Variants in SYCP1 observed in about 807,000 individuals in gnomAD.
SYCP1 encodes the protein synaptonemal complex protein 1.
A neutral mutation model predicts 153.1 loss-of-function variants in SYCP1; 64 were observed. The ratio of observed to expected loss-of-function variants is 0.42; its 90% confidence interval spans 0.34 to 0.51. The LOEUF (loss-of-function observed/expected upper bound fraction) is 0.51, where lower values mean the gene tolerates loss of function less well. Ranked by LOEUF, SYCP1 falls within the 20% of genes least tolerant of loss-of-function variation. SYCP1 has a pLI of 0.06. For synonymous variants in SYCP1, 384 were observed against 341.8 expected (o/e 1.12, Z -1.36); for missense variants, 997 against 1,049.0 (o/e 0.95, Z 0.68).
At chr1:114,917,450 C>G (rs765193795) in intron 20 of SYCP1, among the ~76,000 whole-genome samples, 4 of 152,112 alleles carry the variant, frequency 2.6e-5, no homozygotes, top group Non-Finnish European at 5.9e-5. Flanking sequence ...CTTCAATTAA[C>G]AGAGTGCAAA....
chr1:114,941,798 C>T (rs1670408699), intron 23 of SYCP1, among the ~76,000 whole-genome samples: 1 of 152,020 alleles, frequency 6.6e-6, no homozygotes, highest in African/African-American at 2.4e-5. Flanking sequence ...TGGAGAAGTC[C>T]ATGCACAAGT....
chr1:114,873,380 C>T (rs1334569263), intron 8 of SYCP1, among the ~76,000 whole-genome samples: 3 of 152,176 alleles, frequency 2.0e-5, no homozygotes, highest in Non-Finnish European at 2.9e-5. Context: ...TCAGCCCTTG[C>T]ATCCCTCTCC....
intron 27 of SYCP1, among the ~76,000 whole-genome samples, chr1:114,950,693 T>C (rs1570842659): frequency 6.6e-6 from 1 of 152,162 alleles, no homozygotes; most frequent in African/African-American, 2.4e-5. Context: ...CTGTAAAATA[T>C]AGTCAGTATT....
chr1:114,858,498 G>T, intron 5 of SYCP1, 49 bp from the exon 6 acceptor site: 1 of 1,481,508 alleles, frequency 6.7e-7, no homozygotes. Context: ...CTGTAGTTTG[G>T]TTATATTAGA....
At position 114,951,010 on chromosome 1, in the gene SYCP1, G is replaced by C. The variant is rs569932263; in HGVS notation, c.2322+3690G>C. On this transcript the variant is annotated intron_variant, in intron 27 of 31. Coordinates refer to ENST00000369522, the MANE Select transcript of SYCP1 (RefSeq NM_003176.4). ...TGGATAATTTTTTGTATTTTTAGTA[G>C]AGATGGGGTTTCACTGTGTTAGCCA... 6.8e-4 allele frequency among the ~76,000 whole-genome samples: 103 copies of C among 152,110 alleles called. 4 individuals carry two copies. The South Asian group carries it at 0.021, about 31-fold the overall frequency.
chr1:114,974,309 G>A (rs1256676296), intron 27 of SYCP1, among the ~76,000 whole-genome samples: 1 of 151,856 alleles, frequency 6.6e-6, no homozygotes, highest in African/African-American at 2.4e-5. Flanking sequence ...ATGTTGATAT[G>A]CATAAGTTGA....
intron 16 of SYCP1, among the ~76,000 whole-genome samples, chr1:114,907,590 T>C (rs1557789162): frequency 2.0e-5 from 3 of 151,584 alleles, no homozygotes; most frequent in Admixed American, 6.6e-5. Context: ...AACTTTTTTT[T>C]TTTTTTTTTT....
intron 20 of SYCP1, among the ~76,000 whole-genome samples, chr1:114,919,182 C>T (rs759394720): frequency 5.9e-5 from 9 of 151,850 alleles, no homozygotes; most frequent in African/African-American, 1.2e-4. Context: ...ATGTTCCTTC[C>T]GTACCCCGTT....
chr1:114,876,760 C>T lies in SYCP1; in HGVS notation c.751C>T (p.Gln251Ter). Residue 251 changes from glutamine (Q) to a stop codon, truncating the protein, a stop_gained, in exon 11 of 32, where the codon CAA (glutamine) becomes TAA (stop). Coordinates refer to ENST00000369522, the MANE Select transcript of SYCP1 (RefSeq NM_003176.4). LOFTEE classifies it high-confidence loss of function. ...AGTAAAGGAAGATTATGAAAAAATC[C>T]AACACCTTGAACAAGAATACAAGAA... The part of the protein sequence containing the change: ...FKLKEDYEKI[Q>*]HLEQEYKKEI... The T allele has an allele frequency of 2.2e-6, 3 of 1,390,550 alleles. No individual in the cohort carries two copies. Among genetic ancestry groups the T allele is most frequent in the Non-Finnish European group, 1.9e-6 (2 of 1,066,474 alleles). 86.1% of individuals were successfully genotyped at this position (1,390,550 alleles called of 1,614,324 possible).
intron 8 of SYCP1, among the ~76,000 whole-genome samples, chr1:114,866,128 T>TA (rs1246662504): frequency 6.6e-6 from 1 of 152,228 alleles, no homozygotes; most frequent in African/African-American, 2.4e-5. Flanking sequence ...CAGTTATGAA[T>TA]AAAGCTGCTA....
intron 27 of SYCP1, among the ~76,000 whole-genome samples, chr1:114,950,260 G>C (rs1671009735): frequency 6.6e-6 from 1 of 152,156 alleles, no homozygotes; most frequent in South Asian, 2.1e-4. Flanking sequence ...GATTCCTGGA[G>C]ATAACAAGGA....
chr1:114,954,213 G>A (rs568136767), intron 27 of SYCP1, among the ~76,000 whole-genome samples: 4 of 152,070 alleles, frequency 2.6e-5, no homozygotes, highest in Non-Finnish European at 4.4e-5. Context: ...TTTTTTTGAC[G>A]TGAGAACATT....
At chr1:114,936,590 T>G (rs922148134) in intron 23 of SYCP1, among the ~76,000 whole-genome samples, 3 of 152,040 alleles carry the variant, frequency 2.0e-5, no homozygotes, top group African/African-American at 7.2e-5. Flanking sequence ...GGCTATTCAA[T>G]TAGGAAAAGA....
chr1:114,930,813 G>A (rs2101758356), intron 23 of SYCP1, among the ~76,000 whole-genome samples: 1 of 151,502 alleles, frequency 6.6e-6, no homozygotes, highest in Middle Eastern at 3.4e-3. Flanking sequence ...CTGAATAAAA[G>A]AAAATTACAG....
intron 28 of SYCP1, among the ~76,000 whole-genome samples, chr1:114,978,877 A>C (rs1672966773): frequency 6.6e-6 from 1 of 151,678 alleles, no homozygotes; most frequent in Non-Finnish European, 1.5e-5. Context: ...GACTTAAGGA[A>C]GTATCTAATG....
intron 12 of SYCP1, among the ~76,000 whole-genome samples, chr1:114,880,643 T>G (rs964401257): frequency 1.3e-4 from 20 of 152,328 alleles, no homozygotes; most frequent in African/African-American, 4.8e-4. Flanking sequence ...TTCTGTACCT[T>G]AGCAACAGGC....
chr1:114,893,273 A>G (rs1212989705), intron 15 of SYCP1, among the ~76,000 whole-genome samples: 2 of 151,528 alleles, frequency 1.3e-5, no homozygotes. Context: ...CTCTGTCTGT[A>G]TCTCTATCTT....
At chr1:114,988,361 A>G (rs1673679969) in intron 30 of SYCP1, among the ~76,000 whole-genome samples, 1 of 152,024 alleles carries the variant, frequency 6.6e-6, no homozygotes, top group Non-Finnish European at 1.5e-5. Flanking sequence ...CCCCATCAAG[A>G]CATTTTATAA....
At chr1:114,909,142 T>G (rs754407409) in intron 16 of SYCP1, among the ~76,000 whole-genome samples, 1 of 152,180 alleles carries the variant, frequency 6.6e-6, no homozygotes, top group East Asian at 1.9e-4. Context: ...GTAGTATTCA[T>G]ACATAGAATC....
Sources: gnomAD v4.1 joint callset for allele counts (sites outside exome capture counted in the v4.1 genomes callset) on GRCh38, gnomAD v4.1.1 for gene constraint, MANE v1.5 for transcripts, NCBI Gene and HGNC (gene_info 2026-07-23, HGNC 2026-07-21) for gene names.